Variants in KNOP1 observed in about 807,000 individuals in gnomAD.
The protein encoded by KNOP1 is lysine rich nucleolar protein 1, also known as lysine-rich nucleolar protein 1.
A neutral mutation model predicts 30.6 loss-of-function variants in KNOP1; 20 were observed. The observed-to-expected ratio is 0.65, with a 90% CI of 0.46 to 0.95. The LOEUF (loss-of-function observed/expected upper bound fraction) is 0.95. Among genes scored for constraint, KNOP1 ranks in the 40% least tolerant of loss-of-function variants. The pLI is 0.00. For synonymous variants in KNOP1, 204 were observed against 210.0 expected, an observed-to-expected ratio of 0.97 and a Z score of 0.25; for missense variants, 540 against 562.0, an observed-to-expected ratio of 0.96 and a Z score of 0.40.
In KNOP1 at chr16:19,705,482, A is replaced by C. The variant is rs1976319346; in HGVS notation, c.*1428T>G. 1 of 320,706 alleles carries C rather than the reference A, an allele frequency of 3.1e-6. No individual in the cohort carries two copies. The allele number at this position is 320,706 out of a possible 1,614,324, so 19.9% of individuals were successfully genotyped here. A position where few individuals can be genotyped will look rare whatever the true frequency, so the allele number is the denominator to read the frequency against. ...CCAGGCTTGGAAACGCTGTCCCCACAGCCGATGAGGCAACTTCCCGTGTCA... is the reference window on the plus strand; with the variant it reads ...CCAGGCTTGGAAACGCTGTCCCCACCGCCGATGAGGCAACTTCCCGTGTCA... On this transcript the variant is annotated 3_prime_UTR_variant, in exon 5 of 5. Coordinates refer to ENST00000219837, the MANE Select transcript of KNOP1 (RefSeq NM_001012991.3).
intron 1 of KNOP1, among the ~76,000 whole-genome samples, chr16:19,715,813 C>A (rs1977027619): frequency 6.6e-6 from 1 of 152,140 alleles, no homozygotes; most frequent in Admixed American, 6.5e-5. Context: ...TTGTCTTGGA[C>A]AGATATCGTG....
intron 4 of KNOP1, among the ~76,000 whole-genome samples, chr16:19,709,815 T>A (rs982740534): frequency 2.0e-5 from 3 of 152,194 alleles, no homozygotes; most frequent in Non-Finnish European, 4.4e-5. Context: ...GTTCTGTTTC[T>A]TTCTCCTGAC....
intron 4 of KNOP1, among the ~76,000 whole-genome samples, chr16:19,707,967 A>C (rs1597461519): frequency 1.5e-5 from 1 of 67,010 alleles, no homozygotes; most frequent in Non-Finnish European, 2.8e-5. Context: ...ACCTCCCCCC[A>C]CCTCCCTACA....
At chr16:19,718,137 G>C in intron 1 of KNOP1, 21 bp downstream of exon 1, 1 of 1,446,720 alleles carries the variant, frequency 6.9e-7, no homozygotes, top group South Asian at 1.4e-5. Flanking sequence ...CGGCCCGCCT[G>C]CAACGCGCCC....
chr16:19,715,914 G>A (rs1326853227), intron 1 of KNOP1, among the ~76,000 whole-genome samples: 3 of 152,164 alleles, frequency 2.0e-5, no homozygotes. Flanking sequence ...CCAAGTTCCT[G>A]CACTAGACAT....
chr16:19,712,400 G>C (rs879766664), intron 2 of KNOP1, among the ~76,000 whole-genome samples: 3 of 152,162 alleles, frequency 2.0e-5, no homozygotes, highest in Non-Finnish European at 2.9e-5. Flanking sequence ...TGCAGAGCTC[G>C]GAAGAGAATC....
intron 1 of KNOP1, chr16:19,717,572 A>G (rs1977232120): frequency 3.0e-6 from 3 of 985,384 alleles, no homozygotes; most frequent in African/African-American, 1.7e-5. Flanking sequence ...AGAAAAGTAT[A>G]GCATCCTCCT....
intron 1 of KNOP1, 67 bp downstream of exon 1, chr16:19,718,091 G>A: frequency 2.8e-6 from 4 of 1,425,906 alleles, no homozygotes; most frequent in Non-Finnish European, 3.7e-6. Context: ...CTTCCCCGCC[G>A]CGCACTTCCT....
chr16:19,710,290 C>T lies in KNOP1; in HGVS notation c.1065+219G>A, dbSNP rs571345466. ...CAAAGGTTCAGGCAGCTTATCTCAC[C>T]GGGCCAGCTCTCTAGGAGGGAGGCA... On this transcript the variant is annotated intron_variant, in intron 4 of 4. Transcript: ENST00000219837. The T allele has an allele frequency of 2.5e-4, 152 of 602,938 alleles. 1 individual carries two copies. Among genetic ancestry groups the T allele is most frequent in the Middle Eastern group, 1.7e-3 (4 of 2,288 alleles). 37.3% of individuals were successfully genotyped at this position (602,938 alleles called of 1,614,324 possible).
At chr16:19,712,672 G>A (rs2151650810) in intron 2 of KNOP1, among the ~76,000 whole-genome samples, 1 of 152,312 alleles carries the variant, frequency 6.6e-6, no homozygotes, top group South Asian at 2.1e-4. Flanking sequence ...AGGATGAGAT[G>A]GGTTGATACA....
In KNOP1 at chr16:19,706,818, C is replaced by A; in HGVS notation, c.*92G>T. 3 of 1,393,984 alleles carry A rather than the reference C, an allele frequency of 2.2e-6. No individual in the cohort carries two copies. Among genetic ancestry groups the A allele is most frequent in the Admixed American group, 2.1e-5 (1 of 46,792 alleles). The allele number at this position is 1,393,984 out of a possible 1,614,324, so 86.4% of individuals were successfully genotyped here. ...TACTGCTCGAGGTCCTCACCAAGAT[C>A]TGATTTTTTCACAAAAAAAATTTGT... is the stretch of plus-strand genomic sequence containing the variant. On this transcript the variant is annotated 3_prime_UTR_variant, in exon 5 of 5. Transcript: ENST00000219837.
intron 4 of KNOP1, among the ~76,000 whole-genome samples, chr16:19,707,617 A>G (rs74013807): frequency 0.11 from 5,597 of 49,648 alleles, 443 homozygotes; most frequent in African/African-American, 0.31. Context: ...TCCCCCCACC[A>G]CCCTACACTA....
At chr16:19,709,554 G>A (rs1190119178) in intron 4 of KNOP1, among the ~76,000 whole-genome samples, 1 of 152,204 alleles carries the variant, frequency 6.6e-6, no homozygotes, top group Non-Finnish European at 1.5e-5. Flanking sequence ...TATCATGGCC[G>A]CTGAGGCCGA....
Position 19,714,133 on chromosome 16 carries a change from T to C in KNOP1, c.903A>G (p.Gly301=), listed in dbSNP as rs771188206. Residue 301 remains glycine, a synonymous_variant, in exon 2 of 5, where the codon GGA becomes GGG. Transcript: ENST00000219837. ...KKKRKESGVA[G]DPWKEETDTD... ...GAAAAACTACCTCCTTCCAAGGGTCTCCTGCTACCCCACTCTCTTTCCTCT... is the reference window on the plus strand; with the variant it reads ...GAAAAACTACCTCCTTCCAAGGGTCCCCTGCTACCCCACTCTCTTTCCTCT... 3 of 1,610,624 alleles carry C rather than the reference T, an allele frequency of 1.9e-6. No individual in the cohort carries two copies. In the South Asian group the frequency reaches 3.3e-5, roughly 18 times the overall value.
At chr16:19,715,559 G>A (rs1203644571) in intron 1 of KNOP1, among the ~76,000 whole-genome samples, 1 of 151,722 alleles carries the variant, frequency 6.6e-6, no homozygotes, top group Non-Finnish European at 1.5e-5. Flanking sequence ...TGGGATAACA[G>A]GCACCCGTGA....
At chr16:19,713,187 G>C (rs1173887078) in intron 2 of KNOP1, among the ~76,000 whole-genome samples, 1 of 152,022 alleles carries the variant, frequency 6.6e-6, no homozygotes, top group Admixed American at 6.6e-5. Flanking sequence ...CCACCTCCCA[G>C]GTTTAAGCAA....
In KNOP1 at chr16:19,705,244, G is replaced by A. The variant is rs755895484; in HGVS notation, c.*1666C>T. 6.6e-6 allele frequency: 3 copies of A among 455,938 alleles called. No individual in the cohort carries two copies. The highest frequency in any genetic ancestry group is 1.5e-5 in the South Asian group (1 of 64,562). The allele number at this position is 455,938 out of a possible 1,614,324, so 28.2% of individuals were successfully genotyped here. On this transcript the variant is annotated 3_prime_UTR_variant, in exon 5 of 5. Transcript: ENST00000219837. ...AACCAGGCCCTAATCAGGCCTTCCT[G>A]CCACGTGAGACTGAACTTTCTGGCC... is the stretch of plus-strand genomic sequence containing the variant.
chr16:19,713,502 G>C (rs1010398979), intron 2 of KNOP1, among the ~76,000 whole-genome samples: 1 of 152,142 alleles, frequency 6.6e-6, no homozygotes, highest in African/African-American at 2.4e-5. Context: ...TCTTCCTTTG[G>C]GGGTGGCTGA....
chr16:19,710,266 A>G (rs1976638355), intron 4 of KNOP1: 5 of 579,746 alleles, frequency 8.6e-6, no homozygotes, highest in Non-Finnish European at 1.5e-5. Context: ...GGGCTGAGAC[A>G]AAGGTTCAGG....
Sources: allele counts gnomAD v4.1 joint callset (sites outside exome capture counted in the v4.1 genomes callset), GRCh38; gene constraint gnomAD v4.1.1; transcripts MANE v1.5; gene names NCBI Gene and HGNC (gene_info 2026-07-23, HGNC 2026-07-21).